ZC2HC1B: variants seen among roughly 807,000 people sequenced by gnomAD.
The protein encoded by ZC2HC1B is zinc finger C2HC domain-containing protein 1B.
Under a neutral mutation model 31.0 loss-of-function variants are expected in ZC2HC1B, and 36 were observed. That is an observed-to-expected ratio of 1.16 (90% CI 0.89 to 1.54). The LOEUF is 1.54. ZC2HC1B is among the 40% of genes most tolerant of loss of function. ZC2HC1B has a pLI of 0.00. For synonymous variants in ZC2HC1B, 73 were observed against 88.0 expected, an observed-to-expected ratio of 0.83 and a Z score of 0.95; for missense variants, 260 against 268.6, an observed-to-expected ratio of 0.97 and a Z score of 0.22.
At chr6:143,930,617 T>A (rs1416390493) in intron 6 of ZC2HC1B, among the ~76,000 whole-genome samples, 2 of 152,166 alleles carry the variant, frequency 1.3e-5, no homozygotes, top group African/African-American at 4.8e-5. Flanking sequence ...GACCTTGTGA[T>A]CTGCCTGCCT....
chr6:143,871,290 CA>C lies in ZC2HC1B; in HGVS notation c.28+6728del, dbSNP rs537634061. On this transcript the variant is annotated intron_variant, in intron 1 of 7. Transcript: ENST00000237275. This position sits in a 1 kb window ranked among gnomAD's most constrained non-coding sequence, Gnocchi z 4.1. Reference sequence around the variant, plus strand: ...GGACCAGTGTGATACCTTGTGGAAGCAAAAAGTGATCAAGGTCTCTCTGAAT... The same window carrying C: ...GGACCAGTGTGATACCTTGTGGAAGCAAAAGTGATCAAGGTCTCTCTGAAT... Among the ~76,000 whole-genome samples the C allele has an allele frequency of 6.6e-4, 101 of 152,172 alleles. No individual in the cohort carries two copies. Among genetic ancestry groups the C allele is most frequent in the Non-Finnish European group, 1.3e-3 (91 of 67,972 alleles).
intron 6 of ZC2HC1B, among the ~76,000 whole-genome samples, chr6:143,912,250 A>AAACTTACTTCTGT (rs1777869661): frequency 6.6e-6 from 1 of 152,208 alleles, no homozygotes; most frequent in African/African-American, 2.4e-5. Flanking sequence ...CCACCTTCTG[A>AAACTTACTTCTGT]AACCTACTTC....
At chr6:143,906,896 C>T (rs975806447) in intron 6 of ZC2HC1B, among the ~76,000 whole-genome samples, 5 of 152,032 alleles carry the variant, frequency 3.3e-5, no homozygotes, top group Admixed American at 6.6e-5. Flanking sequence ...TTAAGCTGAG[C>T]ATCCATGAGC....
Position 143,895,309 on chromosome 6 carries a change from C to T in ZC2HC1B, c.350-3243C>T, listed in dbSNP as rs1322824436. Among the ~76,000 whole-genome samples the T allele has an allele frequency of 6.6e-6, 1 of 152,024 alleles. No homozygotes were observed. Among genetic ancestry groups the T allele is most frequent in the Non-Finnish European group, 1.5e-5 (1 of 68,006 alleles). On this transcript the variant is annotated intron_variant, in intron 4 of 7. Coordinates refer to ENST00000237275, the MANE Select transcript of ZC2HC1B (RefSeq NM_001013623.3). The surrounding 1 kb of genome is among the most constrained non-coding windows in gnomAD (Gnocchi z 4.8). ...TCCTGAGTAGCTGGGATTACAGGCG[C>T]CCGCCACCACGCCCAGCTGATTTCT...
Position 143,871,694 on chromosome 6 carries a change from C to T in ZC2HC1B, c.28+7127C>T, listed in dbSNP as rs1777338793. Among the ~76,000 whole-genome samples, 1 of 152,196 alleles carries T rather than the reference C, an allele frequency of 6.6e-6. No individual in the cohort carries two copies. The highest frequency in any genetic ancestry group is 1.5e-5 in the Non-Finnish European group (1 of 68,036). On this transcript the variant is annotated intron_variant, in intron 1 of 7. Coordinates refer to ENST00000237275, the MANE Select transcript of ZC2HC1B (RefSeq NM_001013623.3). The surrounding 1 kb of genome is among the most constrained non-coding windows in gnomAD (Gnocchi z 4.1). ...TGATGGTGGTACTAATCGCCACAGT[C>T]TCTGCAGGGATGTGATACTGTTTTT...
chr6:143,872,683 A>T lies in ZC2HC1B; in HGVS notation c.28+8116A>T, dbSNP rs543763621. 3.3e-3 allele frequency among the ~76,000 whole-genome samples: 499 copies of T among 152,280 alleles called. 5 individuals are homozygous for T. The highest frequency in any genetic ancestry group is 0.011 in the African/African-American group (471 of 41,550). Reference sequence around the variant, plus strand: ...ATCATGGCAGAAGGCAAAAGGCACTACTTACATGGTGGCAGCAAGAGAAAA... The same window carrying T: ...ATCATGGCAGAAGGCAAAAGGCACTTCTTACATGGTGGCAGCAAGAGAAAA... On this transcript the variant is annotated intron_variant, in intron 1 of 7. Coordinates refer to ENST00000237275, the MANE Select transcript of ZC2HC1B (RefSeq NM_001013623.3). The surrounding 1 kb of genome is among the most constrained non-coding windows in gnomAD (Gnocchi z 5.5).
At chr6:143,904,416 C>A (rs1777770923) in intron 6 of ZC2HC1B, among the ~76,000 whole-genome samples, 1 of 152,040 alleles carries the variant, frequency 6.6e-6, no homozygotes, top group Non-Finnish European at 1.5e-5. Flanking sequence ...GGCTGGAGTG[C>A]AGTGGCACAA....
At chr6:143,881,222 A>T (rs1400399881) in intron 1 of ZC2HC1B, among the ~76,000 whole-genome samples, 1 of 152,160 alleles carries the variant, frequency 6.6e-6, no homozygotes, top group African/African-American at 2.4e-5. Context: ...TTCACCCAGC[A>T]TTGAAATCCA....
Position 143,921,075 on chromosome 6 carries a change from C to T in ZC2HC1B, c.599-16574C>T, listed in dbSNP as rs552084238. ...GCCCCAGGTTGTTCCTTGACCATAG[C>T]AGCCATACACACTCCTGTCTCATGA... On this transcript the variant is annotated intron_variant, in intron 6 of 7. Transcript: ENST00000237275. This position sits in a 1 kb window ranked among gnomAD's most constrained non-coding sequence, Gnocchi z 6.1. 1.3e-5 allele frequency among the ~76,000 whole-genome samples: 2 copies of T among 152,274 alleles called. No individual in the cohort carries two copies. Among genetic ancestry groups the T allele is most frequent in the Non-Finnish European group, 1.5e-5 (1 of 68,024 alleles).
In ZC2HC1B at chr6:143,864,564, G is replaced by T. The variant is rs1361366875; in HGVS notation, c.25G>T (p.Ala9Ser). 1.2e-5 allele frequency: 18 copies of T among 1,551,438 alleles called. No individual in the cohort carries two copies. Among genetic ancestry groups the T allele is most frequent in the Non-Finnish European group, 1.5e-5 (17 of 1,146,932 alleles). The change falls in exon 1 of 8, where the codon GCA (alanine) becomes TCA (serine). Residue 9 changes from alanine to serine, a missense_variant. By Grantham distance (99) the Ala-to-Ser change is moderately conservative. Coordinates refer to ENST00000237275, the MANE Select transcript of ZC2HC1B (RefSeq NM_001013623.3). The part of the protein sequence containing the change: MAGAEPFL[A>S]DGNQELFPCE... ...AATGGCTGGGGCAGAACCATTTTTG[G>T]CAGGTGAGCTGCACTTGATATCTAA...
intron 6 of ZC2HC1B, among the ~76,000 whole-genome samples, chr6:143,910,583 T>C (rs1777844948): frequency 6.6e-6 from 1 of 152,224 alleles, no homozygotes; most frequent in Non-Finnish European, 1.5e-5. Flanking sequence ...TCTCCCACTA[T>C]TACTATTTGC....
rs979726512 is a variant in ZC2HC1B at position 143,884,695 on chromosome 6, A to T, written c.90+330A>T. ...AAATTTCAAGGCCAAAGCACCAGGG[A>T]AATTAGCTAGTCAAGAGGAATGAGC... On this transcript the variant is annotated intron_variant, in intron 2 of 7. Transcript: ENST00000237275. The surrounding 1 kb of genome is among the most constrained non-coding windows in gnomAD (Gnocchi z 5.1). 9.2e-5 allele frequency among the ~76,000 whole-genome samples: 14 copies of T among 152,198 alleles called. No individual in the cohort carries two copies. The highest frequency in any genetic ancestry group is 3.4e-4 in the African/African-American group (14 of 41,446).
Position 143,921,916 on chromosome 6 carries a change from G to A in ZC2HC1B, c.599-15733G>A, listed in dbSNP as rs1351212299. Among the ~76,000 whole-genome samples the A allele has an allele frequency of 6.6e-6, 1 of 152,308 alleles. No homozygotes were observed. Among genetic ancestry groups the A allele is most frequent in the African/African-American group, 2.4e-5 (1 of 41,554 alleles). On this transcript the variant is annotated intron_variant, in intron 6 of 7. Coordinates refer to ENST00000237275, the MANE Select transcript of ZC2HC1B (RefSeq NM_001013623.3). The surrounding 1 kb of genome is among the most constrained non-coding windows in gnomAD (Gnocchi z 6.1). The stretch of plus-strand genomic sequence containing the variant: ...CGTGCCACTGCACACCAGTCTGGGT[G>A]ACAAAGTAAGTCCTTTTCTCTTAAA...
At chr6:143,882,997 C>G (rs1777487648) in intron 1 of ZC2HC1B, among the ~76,000 whole-genome samples, 1 of 152,134 alleles carries the variant, frequency 6.6e-6, no homozygotes. Flanking sequence ...CAGAATCACT[C>G]ATCTCCTATT....
rs149237284 is a variant in ZC2HC1B at position 143,872,480 on chromosome 6, G to C, written c.28+7913G>C. The stretch of plus-strand genomic sequence containing the variant: ...CATCCACCTTGCCTTTGATGGCTGA[G>C]TGCTGCCACTTGGCCCCTGCCACCT... On this transcript the variant is annotated intron_variant, in intron 1 of 7. Coordinates refer to ENST00000237275, the MANE Select transcript of ZC2HC1B (RefSeq NM_001013623.3). This position sits in a 1 kb window ranked among gnomAD's most constrained non-coding sequence, Gnocchi z 5.5. 2.0e-3 allele frequency among the ~76,000 whole-genome samples: 311 copies of C among 152,300 alleles called. 10 individuals are homozygous for C. The East Asian group carries it at 0.053, about 26-fold the overall frequency.
In ZC2HC1B at chr6:143,868,763, A is replaced by G. The variant is rs1443158239; in HGVS notation, c.28+4196A>G. Among the ~76,000 whole-genome samples the G allele has an allele frequency of 2.6e-5, 4 of 152,252 alleles. No homozygotes were observed. Among genetic ancestry groups the G allele is most frequent in the African/African-American group, 9.6e-5 (4 of 41,474 alleles). Reference sequence around the variant, plus strand: ...CAATAATAAGGTCATAATTATGCCTAACGTAATACAACTATCCTTAATACA... The same window carrying G: ...CAATAATAAGGTCATAATTATGCCTGACGTAATACAACTATCCTTAATACA... On this transcript the variant is annotated intron_variant, in intron 1 of 7. Coordinates refer to ENST00000237275, the MANE Select transcript of ZC2HC1B (RefSeq NM_001013623.3). This position sits in a 1 kb window ranked among gnomAD's most constrained non-coding sequence, Gnocchi z 4.2.
chr6:143,935,987 T>C (rs1778173901), intron 6 of ZC2HC1B, among the ~76,000 whole-genome samples: 1 of 152,142 alleles, frequency 6.6e-6, no homozygotes, highest in Non-Finnish European at 1.5e-5. Context: ...TATCATATAT[T>C]ATAAATCTAG....
At chr6:143,881,187 A>G (rs560870273) in intron 1 of ZC2HC1B, among the ~76,000 whole-genome samples, 28 of 152,162 alleles carry the variant, frequency 1.8e-4, no homozygotes, top group Non-Finnish European at 3.1e-4. Flanking sequence ...ATCACACAGT[A>G]TGTGACCTTT....
At chr6:143,901,296 G>C (rs1319993218) in intron 5 of ZC2HC1B, among the ~76,000 whole-genome samples, 2 of 102,386 alleles carry the variant, frequency 2.0e-5, no homozygotes, top group Admixed American at 3.2e-4. Flanking sequence ...GTCTCACTCT[G>C]TTGCCCAGGC....
Sources: allele counts gnomAD v4.1 joint callset (sites outside exome capture counted in the v4.1 genomes callset), GRCh38; gene constraint gnomAD v4.1.1; non-coding constraint Gnocchi (gnomAD v3.1); transcripts MANE v1.5; gene names NCBI Gene and HGNC (gene_info 2026-07-23, HGNC 2026-07-21).